The following NR1H4 variants were observed in gnomAD, a reference collection of about 807,000 sequenced individuals.
The protein encoded by NR1H4 is nuclear receptor subfamily 1 group H member 4.
Under a neutral mutation model 58.5 loss-of-function variants are expected in NR1H4, and 23 were observed. The ratio of observed to expected loss-of-function variants is 0.39; its 90% CI spans 0.28 to 0.56. The LOEUF (loss-of-function observed/expected upper bound fraction) is 0.56, where lower values mean the gene tolerates loss of function less well. NR1H4 is among the 20% of genes least tolerant of loss of function. NR1H4 has a pLI of 0.58. For missense variants in NR1H4, 487 were observed against 576.9 expected, an observed-to-expected ratio of 0.84 and a Z score of 1.60; for synonymous variants, 214 against 198.0, an observed-to-expected ratio of 1.08 and a Z score of -0.68.
At chr12:100,542,661 C>T (rs144375539) in intron 9 of NR1H4, among the ~76,000 whole-genome samples, 3 of 152,062 alleles carry the variant, frequency 2.0e-5, no homozygotes, top group African/African-American at 4.8e-5. Flanking sequence ...CTTTTAAAAC[C>T]GATATTTTAA....
At chr12:100,521,403 A>G (rs1035962045) in intron 4 of NR1H4, among the ~76,000 whole-genome samples, 2 of 152,228 alleles carry the variant, frequency 1.3e-5, no homozygotes, top group African/African-American at 4.8e-5. Context: ...TCAGTGCAGC[A>G]TATGGAAATG....
chr12:100,506,830 A>G (rs1953977489), intron 3 of NR1H4, among the ~76,000 whole-genome samples: 1 of 152,092 alleles, frequency 6.6e-6, no homozygotes, highest in Non-Finnish European at 1.5e-5. Context: ...ATTATTTAAT[A>G]TTATTGTGTA....
intron 1 of NR1H4, among the ~76,000 whole-genome samples, chr12:100,474,566 T>C (rs2136051004): frequency 6.6e-6 from 1 of 152,342 alleles, no homozygotes; most frequent in Non-Finnish European, 1.5e-5. Flanking sequence ...ACTTCAGTTG[T>C]AAACTCTTCT....
chr12:100,498,566 A>T (rs527741793), intron 3 of NR1H4, among the ~76,000 whole-genome samples: 1 of 152,078 alleles, frequency 6.6e-6, no homozygotes, highest in Admixed American at 6.5e-5. Context: ...TGAACCCAGG[A>T]GGCGGAGGTT....
chr12:100,509,618 C>T (rs182779253), intron 3 of NR1H4, among the ~76,000 whole-genome samples: 2 of 152,244 alleles, frequency 1.3e-5, no homozygotes, highest in African/African-American at 4.8e-5. Flanking sequence ...AAGAAGACTG[C>T]AACTTAAAGA....
At chr12:100,512,730 A>G (rs1225737662) in intron 4 of NR1H4, among the ~76,000 whole-genome samples, 2 of 152,224 alleles carry the variant, frequency 1.3e-5, no homozygotes, top group Admixed American at 1.3e-4. Flanking sequence ...TTAAACAAAT[A>G]TTTTGGGAAC....
At chr12:100,483,974 A>G (rs1953436130) in intron 1 of NR1H4, among the ~76,000 whole-genome samples, 1 of 141,110 alleles carries the variant, frequency 7.1e-6, no homozygotes. Context: ...ACAGAGCAAG[A>G]CTCTGTCTCA....
intron 1 of NR1H4, among the ~76,000 whole-genome samples, chr12:100,477,770 C>A (rs1312453758): frequency 6.6e-6 from 1 of 151,944 alleles, no homozygotes; most frequent in Non-Finnish European, 1.5e-5. Flanking sequence ...CAGCCTGGGG[C>A]TTAAGGAGCA....
intron 6 of NR1H4, among the ~76,000 whole-genome samples, chr12:100,535,420 G>A (rs1954792329): frequency 6.6e-6 from 1 of 152,158 alleles, no homozygotes; most frequent in Non-Finnish European, 1.5e-5. Flanking sequence ...AGTAAAACAG[G>A]GTGAATACAC....
chr12:100,553,955 C>G (rs1955265358), intron 9 of NR1H4, among the ~76,000 whole-genome samples: 1 of 152,202 alleles, frequency 6.6e-6, no homozygotes, highest in Non-Finnish European at 1.5e-5. Context: ...CTACACCAAC[C>G]TCTGATGTGG....
chr12:100,484,961 G>A (rs1409630374), intron 1 of NR1H4, among the ~76,000 whole-genome samples: 1 of 152,180 alleles, frequency 6.6e-6, no homozygotes, highest in African/African-American at 2.4e-5. Context: ...TTTTACATAG[G>A]AAGCTTTCCA....
chr12:100,544,015 G>A (rs1593119087), intron 9 of NR1H4, among the ~76,000 whole-genome samples: 1 of 152,248 alleles, frequency 6.6e-6, no homozygotes, highest in East Asian at 1.9e-4. Flanking sequence ...CACTTTGGGA[G>A]GCCAAGGCGG....
intron 9 of NR1H4, among the ~76,000 whole-genome samples, chr12:100,551,778 A>G (rs1044948418): frequency 4.6e-5 from 7 of 152,204 alleles, no homozygotes; most frequent in Non-Finnish European, 8.8e-5. Flanking sequence ...GATTGGTTCT[A>G]AGATCTCTCT....
chr12:100,554,392 A>AACACAC (rs60582622), intron 9 of NR1H4, among the ~76,000 whole-genome samples: 5,559 of 147,988 alleles, frequency 0.038, 116 homozygotes, highest in South Asian at 0.059. Context: ...ACTTGTAAAT[A>AACACAC]ACACACACAC....
chr12:100,508,263 C>A (rs115998706), intron 3 of NR1H4, among the ~76,000 whole-genome samples: 2,018 of 152,088 alleles, frequency 0.013, 50 homozygotes, highest in African/African-American at 0.046. Context: ...TGGGAGAAGT[C>A]CTGAGTCTGG....
rs1491301660 is a variant in NR1H4 at position 100,545,671 on chromosome 12, CA to C, written c.1078+4856del. Among the ~76,000 whole-genome samples the C allele has an allele frequency of 3.8e-5, 2 of 53,310 alleles. 1 individual carries two copies. The highest frequency in any genetic ancestry group is 3.9e-4 in the Admixed American group (2 of 5,074). The allele number at this position is 53,310 out of a possible 152,430, so 35.0% of individuals were successfully genotyped here. A position where few individuals can be genotyped will look rare whatever the true frequency, so the allele number is the denominator to read the frequency against. ...AAAAAAAAAAAAAAAAAAAAAAAAC[CA>C]AACGGGGGGCATATATGCGTAATGT... On this transcript the variant is annotated intron_variant, in intron 9 of 10. Transcript: ENST00000392986.
chr12:100,540,838 G>A lies in NR1H4; in HGVS notation c.1078+20G>A. ...ATAGTGGTAAGTGATTTGGCTAATGGTAAAAGAGTTTGTTTCTAGGAGTAA... is the reference window on the plus strand; with the variant it reads ...ATAGTGGTAAGTGATTTGGCTAATGATAAAAGAGTTTGTTTCTAGGAGTAA... On this transcript the variant is annotated intron_variant, in intron 9 of 10. Transcript: ENST00000392986. 5 of 1,613,500 alleles carry A rather than the reference G, an allele frequency of 3.1e-6. No homozygotes were observed. The East Asian group carries it at 1.1e-4, about 36-fold the overall frequency.
chr12:100,537,328 A>G (rs75496435), intron 8 of NR1H4, among the ~76,000 whole-genome samples: 1 of 152,220 alleles, frequency 6.6e-6, no homozygotes, highest in Non-Finnish European at 1.5e-5. Flanking sequence ...TAGACATAAG[A>G]TATTAGAACT....
At chr12:100,499,263 G>A (rs573184773) in intron 3 of NR1H4, among the ~76,000 whole-genome samples, 9 of 152,292 alleles carry the variant, frequency 5.9e-5, no homozygotes, top group Admixed American at 4.6e-4. Context: ...TCAAGTGAAC[G>A]TAGTTCTGAC....
Sources: gnomAD v4.1 joint callset for allele counts (sites outside exome capture counted in the v4.1 genomes callset) on GRCh38, gnomAD v4.1.1 for gene constraint, MANE v1.5 for transcripts, NCBI Gene and HGNC (gene_info 2026-07-23, HGNC 2026-07-21) for gene names.